Variants in CLNK observed in about 807,000 individuals in gnomAD.
CLNK encodes cytokine-dependent hematopoietic cell linker.
CLNK carries 74 observed loss-of-function variants against 68.6 expected under a neutral mutation model. The ratio of observed to expected loss-of-function variants is 1.08; its 90% CI spans 0.89 to 1.31. The LOEUF is 1.31. Ranked by LOEUF, CLNK falls within the 50% of genes most tolerant of loss-of-function variation. The pLI, the probability that CLNK is intolerant of heterozygous loss-of-function variation, is 0.00. For synonymous variants in CLNK, 198 were observed against 172.2 expected, an observed-to-expected ratio of 1.15 and a Z score of -1.17; for missense variants, 553 against 515.3, an observed-to-expected ratio of 1.07 and a Z score of -0.71.
intron 4 of CLNK, among the ~76,000 whole-genome samples, chr4:10,572,695 C>A (rs1390744531): frequency 1.3e-5 from 2 of 152,244 alleles, no homozygotes; most frequent in Non-Finnish European, 2.9e-5. Context: ...TATTTCCCTT[C>A]TTCCTTTGGC....
chr4:10,538,201 C>T (rs1043914733), intron 11 of CLNK, among the ~76,000 whole-genome samples: 1 of 152,170 alleles, frequency 6.6e-6, no homozygotes, highest in African/African-American at 2.4e-5. Flanking sequence ...GCAATCTTGG[C>T]TCACTGCAAC....
At chr4:10,584,693 G>A (rs755549248) in intron 4 of CLNK, among the ~76,000 whole-genome samples, 15 of 152,162 alleles carry the variant, frequency 9.9e-5, no homozygotes, top group Non-Finnish European at 2.1e-4. Flanking sequence ...ATGCAAAGCT[G>A]CACAGCTAAG....
intron 2 of CLNK, among the ~76,000 whole-genome samples, chr4:10,641,865 A>G (rs963043990): frequency 3.9e-5 from 6 of 152,250 alleles, no homozygotes; most frequent in Middle Eastern, 3.4e-3. Flanking sequence ...GGTAGTGATT[A>G]AGTCTCATGA....
chr4:10,667,394 T>C (rs913215680), intron 2 of CLNK, among the ~76,000 whole-genome samples: 7 of 138,812 alleles, frequency 5.0e-5, no homozygotes, highest in African/African-American at 1.3e-4. Flanking sequence ...TTTTTTACTA[T>C]ACTATAGACA....
chr4:10,545,780 T>G (rs1329645539), intron 8 of CLNK, among the ~76,000 whole-genome samples: 1 of 152,170 alleles, frequency 6.6e-6, no homozygotes. Flanking sequence ...GGTTGGAGGT[T>G]GCTGAGCCTC....
At chr4:10,730,316 GT>G in the CLNK span, among the ~76,000 whole-genome samples, 3 of 152,184 alleles carry the variant, frequency 2.0e-5, no homozygotes, top group Non-Finnish European at 4.4e-5. Flanking sequence ...AACTCTGAGA[GT>G]CATTATATGA....
chr4:10,525,460 A>C (rs1002320624), intron 14 of CLNK, among the ~76,000 whole-genome samples: 12 of 152,202 alleles, frequency 7.9e-5, no homozygotes, highest in Non-Finnish European at 1.8e-4. Context: ...TTTCAACAAC[A>C]CTTGGTCTTC....
At chr4:10,555,505 A>G (rs892958176) in intron 8 of CLNK, among the ~76,000 whole-genome samples, 5 of 152,206 alleles carry the variant, frequency 3.3e-5, no homozygotes, top group African/African-American at 7.2e-5. Context: ...TTTGCCTCCA[A>G]ATAAACTTTT....
intron 8 of CLNK, among the ~76,000 whole-genome samples, chr4:10,550,265 G>A (rs1021800138): frequency 3.9e-5 from 6 of 152,138 alleles, no homozygotes; most frequent in African/African-American, 1.2e-4. Context: ...AGGCCGAGGC[G>A]GGCGGATGAC....
At chr4:10,722,099 C>T in the CLNK span, among the ~76,000 whole-genome samples, 9 of 152,052 alleles carry the variant, frequency 5.9e-5, no homozygotes, top group Admixed American at 2.0e-4. Flanking sequence ...GTTTGAGTCC[C>T]GGAAATGGAG....
intron 16 of CLNK, among the ~76,000 whole-genome samples, chr4:10,510,456 T>A (rs1717530650): frequency 6.6e-6 from 1 of 152,132 alleles, no homozygotes; most frequent in Non-Finnish European, 1.5e-5. Flanking sequence ...TTTAAAAAAA[T>A]TAGGGAAAAA....
rs1272265013 is a variant in CLNK, at chr4:10,508,056, A to G, written c.907-20T>C. 6.3e-7 allele frequency: 1 copy of G among 1,586,184 alleles called. No homozygotes were observed. The highest frequency in any genetic ancestry group is 1.3e-5 in the African/African-American group (1 of 74,146). ...GACATCCTGCAGAACAGAATCAATG[A>G]TAAATATTTTAGGGTCAATGGGAAG... On this transcript the variant is annotated intron_variant, in intron 16 of 18. Coordinates refer to ENST00000226951, the MANE Select transcript of CLNK (RefSeq NM_052964.4).
chr4:10,609,579 A>T (rs375172159), intron 2 of CLNK, among the ~76,000 whole-genome samples: 21 of 152,368 alleles, frequency 1.4e-4, no homozygotes, highest in African/African-American at 4.8e-4. Flanking sequence ...GAAGAGCAGC[A>T]GAGGAAATAT....
chr4:10,579,943 C>T (rs946060440), intron 4 of CLNK, among the ~76,000 whole-genome samples: 5 of 152,244 alleles, frequency 3.3e-5, no homozygotes, highest in Non-Finnish European at 7.3e-5. Context: ...ACCACCTCCT[C>T]CAGCCTCCTC....
the CLNK span, among the ~76,000 whole-genome samples, chr4:10,698,913 G>A: frequency 6.6e-6 from 1 of 152,174 alleles, no homozygotes; most frequent in Non-Finnish European, 1.5e-5. Context: ...TGGCTGAGTA[G>A]GAGGGAACTC....
chr4:10,661,348 A>G (rs1724184731), intron 2 of CLNK, among the ~76,000 whole-genome samples: 1 of 152,232 alleles, frequency 6.6e-6, no homozygotes, highest in African/African-American at 2.4e-5. Context: ...TTTCAAAGAG[A>G]AAATATGCCT....
intron 14 of CLNK, among the ~76,000 whole-genome samples, chr4:10,523,058 C>T (rs1420964699): frequency 6.6e-6 from 1 of 152,078 alleles, no homozygotes; most frequent in Non-Finnish European, 1.5e-5. Flanking sequence ...TGCAATAGTC[C>T]AGGTAAAAGT....
chr4:10,667,419 T>C lies in CLNK; in HGVS notation c.11+440A>G, dbSNP rs577571162. Among the ~76,000 whole-genome samples the C allele has an allele frequency of 2.1e-3, 309 of 149,922 alleles. 2 individuals are homozygous for C. The highest frequency in any genetic ancestry group is 7.4e-3 in the African/African-American group (304 of 40,900). ...TACTATAGACATCAGGGATGGCATT[T>C]TTTTTTTTAATCAGGCACAAATTTC... On this transcript the variant is annotated intron_variant, in intron 2 of 18. Transcript: ENST00000226951.
At chr4:10,507,883 C>A in intron 17 of CLNK, 76 bp downstream of exon 17, 4 of 1,060,168 alleles carry the variant, frequency 3.8e-6, no homozygotes, top group Non-Finnish European at 5.6e-6. Flanking sequence ...CTGCTTGTTA[C>A]GTCTTGTGAC....
Sources: allele counts gnomAD v4.1 joint callset (sites outside exome capture counted in the v4.1 genomes callset), GRCh38; gene constraint gnomAD v4.1.1; transcripts MANE v1.5; gene names NCBI Gene and HGNC (gene_info 2026-07-23, HGNC 2026-07-21).